OSBP2: variants seen among roughly 807,000 people sequenced by gnomAD.
OSBP2 encodes oxysterol-binding protein 2.
In OSBP2, 66 loss-of-function variants were observed where a neutral mutation model predicts 96.0. That is an observed-to-expected ratio of 0.69 (90% CI 0.56 to 0.84). The LOEUF (loss-of-function observed/expected upper bound fraction) is 0.84, where lower values mean the gene tolerates loss of function less well. OSBP2 is among the 40% of genes least tolerant of loss of function. The pLI, the probability that OSBP2 is intolerant of heterozygous loss-of-function variation, is 0.00. For missense variants in OSBP2, 1,038 were observed against 1,222.7 expected, an observed-to-expected ratio of 0.85 and a Z score of 2.25; for synonymous variants, 525 against 520.9, an observed-to-expected ratio of 1.01 and a Z score of -0.11.
intron 3 of OSBP2, among the ~76,000 whole-genome samples, chr22:30,876,781 G>A (rs936879618): frequency 4.6e-5 from 7 of 152,186 alleles, no homozygotes; most frequent in African/African-American, 1.7e-4. Flanking sequence ...CTACTCTGCA[G>A]GCTTACGCAT....
At chr22:30,875,296 C>T (rs1275420642) in intron 3 of OSBP2, among the ~76,000 whole-genome samples, 1 of 152,152 alleles carries the variant, frequency 6.6e-6, no homozygotes, top group Non-Finnish European at 1.5e-5. Flanking sequence ...TGGGCAACCA[C>T]ACTTTCCATG....
intron 2 of OSBP2, among the ~76,000 whole-genome samples, chr22:30,758,560 T>C (rs2090169314): frequency 6.6e-6 from 1 of 151,746 alleles, no homozygotes; most frequent in African/African-American, 2.4e-5. Flanking sequence ...TCTTCTAGAG[T>C]GGACTCAGGG....
intron 2 of OSBP2, among the ~76,000 whole-genome samples, chr22:30,752,100 G>A (rs1260176320): frequency 6.6e-6 from 1 of 152,102 alleles, no homozygotes; most frequent in East Asian, 1.9e-4. Flanking sequence ...AGGTGTTGGA[G>A]CAGAGTGCTG....
At chr22:30,842,642 C>T (rs866729226) in intron 2 of OSBP2, 2 of 158,112 alleles carry the variant, frequency 1.3e-5, no homozygotes, top group African/African-American at 4.8e-5. Context: ...CCTTTGTTAT[C>T]ATTTCAACAG....
intron 2 of OSBP2, among the ~76,000 whole-genome samples, chr22:30,775,629 C>T (rs1019968761): frequency 7.2e-5 from 11 of 152,016 alleles, no homozygotes; most frequent in Non-Finnish European, 4.4e-5. Flanking sequence ...AAAAAACAAA[C>T]AAACAAAATA....
At chr22:30,807,094 C>T (rs2090939013) in intron 2 of OSBP2, among the ~76,000 whole-genome samples, 1 of 152,164 alleles carries the variant, frequency 6.6e-6, no homozygotes, top group African/African-American at 2.4e-5. Flanking sequence ...TGAGCTTACC[C>T]GTGAGGTTGC....
chr22:30,749,949 A>G (rs2090053538), intron 2 of OSBP2, among the ~76,000 whole-genome samples: 10 of 152,154 alleles, frequency 6.6e-5, no homozygotes, highest in Admixed American at 6.6e-4. Context: ...CAGGAGTGGA[A>G]GCAGTGAGAC....
intron 2 of OSBP2, among the ~76,000 whole-genome samples, chr22:30,799,727 TC>T (rs1158130108): frequency 6.6e-6 from 1 of 152,262 alleles, no homozygotes; most frequent in Non-Finnish European, 1.5e-5. Flanking sequence ...GGCTTACCCA[TC>T]CTCTTCACCA....
chr22:30,898,914 A>T (rs951089758), intron 12 of OSBP2, among the ~76,000 whole-genome samples: 6 of 151,420 alleles, frequency 4.0e-5, no homozygotes, highest in Non-Finnish European at 7.4e-5. Flanking sequence ...TAAAAAAACA[A>T]AGCCAAAAGT....
At chr22:30,713,947 T>C (rs1269792128) in intron 1 of OSBP2, among the ~76,000 whole-genome samples, 2 of 152,198 alleles carry the variant, frequency 1.3e-5, no homozygotes, top group African/African-American at 2.4e-5. Context: ...TTTGAAAATA[T>C]ACAATACATT....
At chr22:30,896,689 C>A (rs906857672) in intron 12 of OSBP2, among the ~76,000 whole-genome samples, 4 of 151,300 alleles carry the variant, frequency 2.6e-5, no homozygotes, top group Non-Finnish European at 5.9e-5. Context: ...GCTCTGTTAC[C>A]CAGGCTGGTA....
Position 30,905,821 on chromosome 22 carries a change from A to ACCG in OSBP2, c.2376-14_2376-13insGCC, listed in dbSNP as rs2147202784. On this transcript the variant is annotated splice_polypyrimidine_tract_variant and intron_variant, in intron 12 of 13. Coordinates refer to ENST00000332585, the MANE Select transcript of OSBP2 (RefSeq NM_030758.4). ...TCACACCGCAGCCACCGCCACCGCC[A>ACCG]CCACCACCGCCACAGGGAGAACGCG... is the stretch of plus-strand genomic sequence containing the variant. 44 of 1,610,940 alleles carry ACCG rather than the reference A, an allele frequency of 2.7e-5. No individual in the cohort carries two copies. The highest frequency in any genetic ancestry group is 3.6e-5 in the Non-Finnish European group (42 of 1,179,066).
chr22:30,843,079 C>T (rs1441041404), intron 2 of OSBP2, among the ~76,000 whole-genome samples: 2 of 152,136 alleles, frequency 1.3e-5, no homozygotes, highest in South Asian at 2.1e-4. Context: ...CCACCGCACC[C>T]GGCCTGCAAT....
intron 3 of OSBP2, among the ~76,000 whole-genome samples, chr22:30,884,448 C>T (rs1569164944): frequency 6.6e-6 from 1 of 152,206 alleles, no homozygotes; most frequent in Non-Finnish European, 1.5e-5. Flanking sequence ...CCTGATAGTG[C>T]ACCCCTGGCC....
chr22:30,820,399 A>AG (rs1569137136), intron 2 of OSBP2, among the ~76,000 whole-genome samples: 1 of 151,792 alleles, frequency 6.6e-6, no homozygotes, highest in Non-Finnish European at 1.5e-5. Context: ...TAAAAAAAAA[A>AG]TAAAATTTTA....
chr22:30,821,287 C>A (rs910686151), intron 2 of OSBP2, among the ~76,000 whole-genome samples: 3 of 152,178 alleles, frequency 2.0e-5, no homozygotes, highest in African/African-American at 4.8e-5. Context: ...TTATATTGTG[C>A]AGAGACTGTG....
chr22:30,870,566 C>T lies in OSBP2; in HGVS notation c.991C>T (p.Gln331Ter), dbSNP rs1281554102. The T allele has an allele frequency of 6.2e-7, 1 of 1,614,068 alleles. No homozygotes were observed. Among genetic ancestry groups the T allele is most frequent in the Non-Finnish European group, 8.5e-7 (1 of 1,180,018 alleles). The change falls in exon 3 of 14, where the codon CAG becomes TAG. Residue 331 changes from glutamine (Q) to a stop codon, truncating the protein, a stop_gained. Coordinates refer to ENST00000332585, the MANE Select transcript of OSBP2 (RefSeq NM_030758.4). LOFTEE classifies it high-confidence loss of function. The surrounding 1 kb of genome is among the most constrained non-coding windows in gnomAD (Gnocchi z 4.1). ...CATCGCCAAGCACGGCGCTGCACTC[C>T]AGCGCTCCCTGACAGAGCTGGACGG... is the stretch of plus-strand genomic sequence containing the variant. ...DLIAKHGAAL[Q>*]RSLTELDGLK...
intron 2 of OSBP2, among the ~76,000 whole-genome samples, chr22:30,747,700 C>G (rs1372850205): frequency 6.6e-6 from 1 of 152,092 alleles, no homozygotes; most frequent in Non-Finnish European, 1.5e-5. Flanking sequence ...CTGGGCTCAG[C>G]TCTGCTTCAG....
At chr22:30,877,480 T>C (rs1398160135) in intron 3 of OSBP2, among the ~76,000 whole-genome samples, 1 of 152,164 alleles carries the variant, frequency 6.6e-6, no homozygotes, top group Non-Finnish European at 1.5e-5. Context: ...GTATACCTTG[T>C]ACAGTGGCAC....
Sources: allele counts gnomAD v4.1 joint callset (sites outside exome capture counted in the v4.1 genomes callset), GRCh38; gene constraint gnomAD v4.1.1; non-coding constraint Gnocchi (gnomAD v3.1); transcripts MANE v1.5; gene names NCBI Gene and HGNC (gene_info 2026-07-23, HGNC 2026-07-21).